AGAP1: variants seen among roughly 807,000 people sequenced by gnomAD.
AGAP1 encodes the protein ArfGAP with GTPase domain, ankyrin repeat and PH domain 1.
Under a neutral mutation model 105.3 loss-of-function variants are expected in AGAP1, and 29 were observed. The ratio of observed to expected loss-of-function variants is 0.28; its 90% confidence interval spans 0.21 to 0.38. The LOEUF is 0.38. Among genes scored for constraint, AGAP1 ranks in the 10% least tolerant of loss-of-function variants. The pLI, the probability that AGAP1 is intolerant of heterozygous loss-of-function variation, is 1.00. For missense variants in AGAP1, 998 were observed against 1,165.1 expected, an observed-to-expected ratio of 0.86 and a Z score of 2.09; for synonymous variants, 509 against 485.9, an observed-to-expected ratio of 1.05 and a Z score of -0.63.
rs2054451702 is a variant in AGAP1 at position 235,967,467 on chromosome 2, T to A, written c.1484-995T>A. ...GTCACTGCCACTCCACTTTACAGAG[T>A]CCCCATTGGGGCAGGAATGTTTATC... On this transcript the variant is annotated intron_variant, in intron 12 of 17. Transcript: ENST00000304032. The surrounding 1 kb of genome is among the most constrained non-coding windows in gnomAD (Gnocchi z 4.7). Among the ~76,000 whole-genome samples, 1 of 152,016 alleles carries A rather than the reference T, an allele frequency of 6.6e-6. No homozygotes were observed. Among genetic ancestry groups the A allele is most frequent in the African/African-American group, 2.4e-5 (1 of 41,364 alleles).
In AGAP1 at chr2:236,078,593, C is replaced by T. The variant is rs945845292; in HGVS notation, c.2114+29312C>T. The stretch of plus-strand genomic sequence containing the variant: ...TATTGGGCACTTTTGCCTTTGAAAA[C>T]GTAATCTCCCTAGATAAGTATTACC... On this transcript the variant is annotated intron_variant, in intron 16 of 17. Transcript: ENST00000304032. This position sits in a 1 kb window ranked among gnomAD's most constrained non-coding sequence, Gnocchi z 5.3. 2.0e-5 allele frequency among the ~76,000 whole-genome samples: 3 copies of T among 152,124 alleles called. No individual in the cohort carries two copies. The highest frequency in any genetic ancestry group is 2.1e-4 in the South Asian group (1 of 4,832).
intron 1 of AGAP1, chr2:235,670,790 C>A: frequency 1.5e-6 from 2 of 1,295,890 alleles, no homozygotes; most frequent in Non-Finnish European, 2.1e-6. Flanking sequence ...GCGTTGGGAA[C>A]GCAGTAAGAG....
rs1255540343 is a variant in AGAP1 at position 235,494,840 on chromosome 2, G to T, written c.154G>T (p.Ala52Ser). Reference sequence around the variant, plus strand: ...GAACCAGATCCGGGAGCACGTCATCGCCATCGAAGGTGAGGGCCGGGCCGC... The same window carrying T: ...GAACCAGATCCGGGAGCACGTCATCTCCATCGAAGGTGAGGGCCGGGCCGC... ...LQNQIREHVI[A>S]IEDAFVNSQE... Residue 52 changes from alanine to serine, a missense_variant, in exon 1 of 18, where the codon GCC (alanine) becomes TCC (serine). By Grantham distance (99) the Ala-to-Ser change is moderately conservative. This residue lies in a region of AGAP1 where 735 missense variants were observed against 833.4 expected (regional missense o/e 0.88). Transcript: ENST00000304032. The T allele has an allele frequency of 6.4e-7, 1 of 1,569,384 alleles. No homozygotes were observed. Among genetic ancestry groups the T allele is most frequent in the Non-Finnish European group, 8.6e-7 (1 of 1,157,748 alleles).
chr2:235,849,850 C>G (rs1961973336), intron 9 of AGAP1, among the ~76,000 whole-genome samples: 1 of 152,248 alleles, frequency 6.6e-6, no homozygotes, highest in African/African-American at 2.4e-5. Context: ...CCCAGTGCTC[C>G]TGTCCCCATC....
intron 9 of AGAP1, among the ~76,000 whole-genome samples, chr2:235,837,443 AG>A: frequency 6.6e-6 from 1 of 152,352 alleles, no homozygotes; most frequent in South Asian, 2.1e-4. Flanking sequence ...GGGTCAGAAC[AG>A]CTGGGAAGGT....
rs770694714 is a variant in AGAP1 at position 235,797,777 on chromosome 2, C to T, written c.692C>T (p.Ala231Val). 18 of 1,614,002 alleles carry T rather than the reference C, an allele frequency of 1.1e-5. No individual in the cohort carries two copies. In the South Asian group the frequency reaches 1.5e-4, roughly 14 times the overall value. Reference protein sequence around the residue: ...VFQDVAQKIVATRKKQQLSIG... With the variant: ...VFQDVAQKIVVTRKKQQLSIG... ...CCACCAGTTGCCCAGAAGATTGTTG[C>T]CACAAGGAAGAAGCAGCAGCTGTCC... Residue 231 changes from alanine to valine, a missense_variant, in exon 7 of 18, where the codon GCC becomes GTC. Coordinates refer to ENST00000304032, the MANE Select transcript of AGAP1 (RefSeq NM_001037131.3).
Position 235,953,324 on chromosome 2 carries a change from A to G in AGAP1, c.1484-15138A>G, listed in dbSNP as rs947371249. Among the ~76,000 whole-genome samples the G allele has an allele frequency of 6.6e-6, 1 of 152,226 alleles. No individual in the cohort carries two copies. The highest frequency in any genetic ancestry group is 1.5e-5 in the Non-Finnish European group (1 of 68,036). ...CCCACAGTTGCCTTCTAACATAACA[A>G]AAGGTTACATGTGATGGCCAAGGGA... On this transcript the variant is annotated intron_variant, in intron 12 of 17. Transcript: ENST00000304032. The surrounding 1 kb of genome is among the most constrained non-coding windows in gnomAD (Gnocchi z 5.2).
At chr2:235,945,297 G>A (rs76564361) in intron 12 of AGAP1, among the ~76,000 whole-genome samples, 2 of 151,996 alleles carry the variant, frequency 1.3e-5, no homozygotes, top group Admixed American at 6.6e-5. Flanking sequence ...AGTTGGGGGG[G>A]GGTTCACCGT....
Position 235,799,428 on chromosome 2 carries a change from C to T in AGAP1, c.863C>T (p.Thr288Ile). The change falls in exon 8 of 18, where the codon ACC becomes ATC. Residue 288 changes from threonine to isoleucine, a missense_variant. Thr to Ile is a moderately conservative substitution (Grantham distance 89, BLOSUM62 -1). Transcript: ENST00000304032. This position sits in a 1 kb window ranked among gnomAD's most constrained non-coding sequence, Gnocchi z 5.0. ...TCCTCCGTTCCATCGACTCCCAGCA[C>T]CAGCCAGAAGGAACTTCGGATCGAT... is the stretch of plus-strand genomic sequence containing the variant. Reference protein sequence around the residue: ...YSSSVPSTPSTSQKELRIDVP... With the variant: ...YSSSVPSTPSISQKELRIDVP... The T allele has an allele frequency of 6.2e-7, 1 of 1,614,162 alleles. No individual in the cohort carries two copies. The highest frequency in any genetic ancestry group is 8.5e-7 in the Non-Finnish European group (1 of 1,180,020).
chr2:235,960,939 C>T lies in AGAP1; in HGVS notation c.1484-7523C>T, dbSNP rs936386190. 4.5e-4 allele frequency among the ~76,000 whole-genome samples: 69 copies of T among 152,196 alleles called. No individual in the cohort carries two copies. Among genetic ancestry groups the T allele is most frequent in the African/African-American group, 1.6e-3 (65 of 41,444 alleles). On this transcript the variant is annotated intron_variant, in intron 12 of 17. Coordinates refer to ENST00000304032, the MANE Select transcript of AGAP1 (RefSeq NM_001037131.3). The surrounding 1 kb of genome is among the most constrained non-coding windows in gnomAD (Gnocchi z 4.9). Reference sequence around the variant, plus strand: ...TTAAAACTAAGTCGCGAAATTGATACACTGCTGTGTGATACACCAGAAAGT... The same window carrying T: ...TTAAAACTAAGTCGCGAAATTGATATACTGCTGTGTGATACACCAGAAAGT...
At chr2:235,768,751 A>T (rs910248032) in intron 6 of AGAP1, among the ~76,000 whole-genome samples, 3 of 152,184 alleles carry the variant, frequency 2.0e-5, no homozygotes, top group African/African-American at 7.2e-5. Flanking sequence ...GAGGGTAGGC[A>T]CAGCCGCCGT....
At chr2:235,512,134 C>G (rs1278080642) in intron 1 of AGAP1, among the ~76,000 whole-genome samples, 2 of 151,984 alleles carry the variant, frequency 1.3e-5, no homozygotes, top group African/African-American at 4.8e-5. Context: ...TGGTCATTGT[C>G]CACATTGGTG....
chr2:235,564,945 G>A (rs1364595906), intron 1 of AGAP1, among the ~76,000 whole-genome samples: 2 of 146,672 alleles, frequency 1.4e-5, no homozygotes, highest in Non-Finnish European at 3.0e-5. Flanking sequence ...CCAGCTGTGG[G>A]TCTAGACCAC....
rs145069450 is a variant in AGAP1 at position 236,105,657 on chromosome 2, ACCATTCTCCCGCGTTCACG to A, written c.2115-14505_2115-14487del. Reference sequence around the variant, plus strand: ...TGCAACCTCCGCCTCCCGGGTTCACACCATTCTCCCGCGTTCACGCCATTCTCCCGCGTTCACGCCATTC... The same window carrying A: ...TGCAACCTCCGCCTCCCGGGTTCACACCATTCTCCCGCGTTCACGCCATTC... On this transcript the variant is annotated intron_variant, in intron 16 of 17. Coordinates refer to ENST00000304032, the MANE Select transcript of AGAP1 (RefSeq NM_001037131.3). This position sits in a 1 kb window ranked among gnomAD's most constrained non-coding sequence, Gnocchi z 4.2. 0.38 allele frequency among the ~76,000 whole-genome samples: 56,775 copies of A among 147,650 alleles called. 11,202 individuals are homozygous for A. Among genetic ancestry groups the A allele is most frequent in the Middle Eastern group, 0.55 (158 of 286 alleles).
intron 9 of AGAP1, among the ~76,000 whole-genome samples, chr2:235,868,308 G>A (rs2049278168): frequency 6.6e-6 from 1 of 152,018 alleles, no homozygotes; most frequent in Non-Finnish European, 1.5e-5. Flanking sequence ...TCCTGCAGCA[G>A]CAAGAGGATT....
At chr2:235,800,265 A>ATTTT (rs547612945) in intron 8 of AGAP1, among the ~76,000 whole-genome samples, 1 of 142,046 alleles carries the variant, frequency 7.0e-6, no homozygotes, top group Admixed American at 7.1e-5. Context: ...CGTGTGGCTA[A>ATTTT]TTTTTTTTTT....
rs961734164 is a variant in AGAP1, at chr2:235,934,893, C to A, written c.1483+3970C>A. On this transcript the variant is annotated intron_variant, in intron 12 of 17. Coordinates refer to ENST00000304032, the MANE Select transcript of AGAP1 (RefSeq NM_001037131.3). The surrounding 1 kb of genome is among the most constrained non-coding windows in gnomAD (Gnocchi z 4.9). ...AACATTGGGATTCACTGTTTCTCCG[C>A]CCCCCGTCCACCCTAAATTAAGACT... Among the ~76,000 whole-genome samples, 1 of 152,058 alleles carries A rather than the reference C, an allele frequency of 6.6e-6. No homozygotes were observed. The highest frequency in any genetic ancestry group is 2.4e-5 in the African/African-American group (1 of 41,376).
At chr2:235,774,986 T>C (rs1955751267) in intron 6 of AGAP1, among the ~76,000 whole-genome samples, 1 of 152,076 alleles carries the variant, frequency 6.6e-6, no homozygotes, top group Non-Finnish European at 1.5e-5. Flanking sequence ...AGAGCCAAAT[T>C]TATTTTTTTT....
chr2:235,507,990 C>A (rs927421413), intron 1 of AGAP1, among the ~76,000 whole-genome samples: 17 of 152,174 alleles, frequency 1.1e-4, no homozygotes, highest in African/African-American at 3.9e-4. Flanking sequence ...GGCCGTTGTT[C>A]CATTCTTTGT....
Sources: allele counts gnomAD v4.1 joint callset (sites outside exome capture counted in the v4.1 genomes callset), GRCh38; gene constraint gnomAD v4.1.1; regional missense constraint gnomAD v4.1.1; non-coding constraint Gnocchi (gnomAD v3.1); transcripts MANE v1.5; gene names NCBI Gene and HGNC (gene_info 2026-07-23, HGNC 2026-07-21).